Variants in PTPRJ observed in about 807,000 individuals in gnomAD.
PTPRJ encodes protein tyrosine phosphatase receptor type J, also known as receptor-type tyrosine-protein phosphatase eta.
Under a neutral mutation model 141.3 loss-of-function variants are expected in PTPRJ, and 129 were observed. The observed-to-expected ratio is 0.91, with a 90% confidence interval of 0.79 to 1.06. The LOEUF (loss-of-function observed/expected upper bound fraction) is 1.06, where lower values mean the gene tolerates loss of function less well. PTPRJ is among the 50% of genes least tolerant of loss of function. The probability of loss-of-function intolerance (pLI) is 0.00; values close to 1 mark genes in which losing one functional copy is unlikely to be tolerated. For synonymous variants in PTPRJ, 610 were observed against 640.5 expected (o/e 0.95, Z 0.72); for missense variants, 1,601 against 1,679.7 (o/e 0.95, Z 0.82).
intron 1 of PTPRJ, among the ~76,000 whole-genome samples, chr11:48,028,032 A>G (rs1853871270): frequency 6.6e-6 from 1 of 152,122 alleles, no homozygotes; most frequent in Non-Finnish European, 1.5e-5. Context: ...AAAGGCATCC[A>G]GTGTTAATAG....
At chr11:48,143,139 C>T in intron 12 of PTPRJ, 89 bp downstream of exon 12, 1 of 1,485,802 alleles carries the variant, frequency 6.7e-7, no homozygotes, top group Admixed American at 1.9e-5. Context: ...GTGAGTAATG[C>T]AGACACACGC....
chr11:48,033,896 C>T (rs1025093851), intron 1 of PTPRJ, among the ~76,000 whole-genome samples: 4 of 152,330 alleles, frequency 2.6e-5, no homozygotes, highest in Admixed American at 6.5e-5. Context: ...AGATACAGAG[C>T]GTTTGACCTA....
rs1341313426 is a variant in PTPRJ, at chr11:48,143,590, G to A, written c.2575+540G>A. Among the ~76,000 whole-genome samples, 3 of 152,182 alleles carry A rather than the reference G, an allele frequency of 2.0e-5. No individual in the cohort carries two copies. The East Asian group carries it at 5.8e-4, about 29-fold the overall frequency. Reference sequence around the variant, plus strand: ...GAAAAAGATTTGCATTTGCTAGTGGGAATTTGCAGAGTATCTCCTTAGCTG... The same window carrying A: ...GAAAAAGATTTGCATTTGCTAGTGGAAATTTGCAGAGTATCTCCTTAGCTG... On this transcript the variant is annotated intron_variant, in intron 12 of 24. Transcript: ENST00000418331.
intron 1 of PTPRJ, among the ~76,000 whole-genome samples, chr11:48,040,676 A>G (rs1380691018): frequency 7.2e-6 from 1 of 139,510 alleles, no homozygotes. Context: ...GTCTCGGCTT[A>G]CTGCAACCTC....
At chr11:48,080,471 C>T (rs1855529580) in intron 1 of PTPRJ, among the ~76,000 whole-genome samples, 1 of 152,168 alleles carries the variant, frequency 6.6e-6, no homozygotes, top group African/African-American at 2.4e-5. Context: ...AGACTGACTC[C>T]AGAGCCAATG....
chr11:48,150,268 G>A, intron 18 of PTPRJ, 85 bp downstream of exon 18: 1 of 1,135,030 alleles, frequency 8.8e-7, no homozygotes, highest in Admixed American at 1.8e-5. Flanking sequence ...TGGGTGGCAG[G>A]TAGCTGAAAG....
At chr11:48,153,206 T>C (rs1478648848) in intron 18 of PTPRJ, among the ~76,000 whole-genome samples, 2 of 152,068 alleles carry the variant, frequency 1.3e-5, no homozygotes, top group East Asian at 3.9e-4. Flanking sequence ...CAGGGGTTTA[T>C]ACAGCAGGAA....
intron 3 of PTPRJ, among the ~76,000 whole-genome samples, chr11:48,117,146 T>A (rs1312096275): frequency 1.3e-5 from 2 of 152,154 alleles, no homozygotes; most frequent in East Asian, 3.9e-4. Context: ...TTTAAAAATT[T>A]CTTGAAGCAA....
rs1290607847 is a variant in PTPRJ, at chr11:48,163,545, A to G, written c.3646A>G (p.Ile1216Val). The G allele has an allele frequency of 1.2e-6, 2 of 1,614,008 alleles. No individual in the cohort carries two copies. The highest frequency in any genetic ancestry group is 1.7e-6 in the Non-Finnish European group (2 of 1,179,848). Residue 1216 changes from isoleucine (I) to valine (V), a missense_variant, in exon 23 of 25, where the codon ATC becomes GTC. Physicochemically the swap from Ile to Val is conservative, Grantham distance 29. Transcript: ENST00000418331. ...HGVPDTTDLLINFRYLVRDYM... is the reference protein window; with the variant it reads ...HGVPDTTDLLVNFRYLVRDYM... ...TGTTCCCGACACCACTGACCTGCTC[A>G]TCAACTTCCGGTACCTCGTTCGTGA...
At chr11:47,981,142 G>A in intron 1 of PTPRJ, 134 bp downstream of exon 1, 1 of 939,340 alleles carries the variant, frequency 1.1e-6, no homozygotes. Context: ...ATCCCCGGAA[G>A]GCGACTTGCG....
intron 1 of PTPRJ, among the ~76,000 whole-genome samples, chr11:48,066,554 GTATTATTAT>G (rs58097315): frequency 0.13 from 17,350 of 133,688 alleles, 1,336 homozygotes; most frequent in African/African-American, 0.21. Context: ...TTATCCAGTC[GTATTATTAT>G]TATTATTATT....
chr11:48,060,138 C>A (rs1330210443), intron 1 of PTPRJ, among the ~76,000 whole-genome samples: 1 of 152,132 alleles, frequency 6.6e-6, no homozygotes, highest in East Asian at 1.9e-4. Context: ...GAAGATATGC[C>A]TATTTTTTCC....
Position 48,069,445 on chromosome 11 carries a change from A to ATTTTTTTT in PTPRJ, c.97-40599_97-40592dup, listed in dbSNP as rs35405916. ...GGCTGTGATAAAAACTACATTGATA[A>ATTTTTTTT]TTTTTTTTTTTTTTTTTTTTTGGAG... On this transcript the variant is annotated intron_variant, in intron 1 of 24. Transcript: ENST00000418331. Among the ~76,000 whole-genome samples the ATTTTTTTT allele has an allele frequency of 4.1e-5, 5 of 121,322 alleles. 2 individuals are homozygous for ATTTTTTTT. The highest frequency in any genetic ancestry group is 1.7e-5 in the Non-Finnish European group (1 of 59,588). 79.6% of individuals were successfully genotyped at this position (121,322 alleles called of 152,430 possible). A position where few individuals can be genotyped will look rare whatever the true frequency, so the allele number is the denominator to read the frequency against.
intron 8 of PTPRJ, among the ~76,000 whole-genome samples, chr11:48,135,324 A>C (rs980063698): frequency 6.6e-6 from 1 of 151,366 alleles, no homozygotes; most frequent in Non-Finnish European, 1.5e-5. Flanking sequence ...ACAGGCATGC[A>C]CCACCACGCC....
chr11:48,046,252 TGC>T (rs1373342384), intron 1 of PTPRJ: 1 of 152,220 alleles, frequency 6.6e-6, no homozygotes, highest in Non-Finnish European at 1.5e-5. Context: ...TTTGCCATGT[TGC>T]CCATGCTGGT....
intron 1 of PTPRJ, among the ~76,000 whole-genome samples, chr11:48,020,776 C>G (rs1261693065): frequency 6.6e-6 from 1 of 152,156 alleles, no homozygotes; most frequent in Non-Finnish European, 1.5e-5. Context: ...CTTCCTCCTG[C>G]CCCTCCCACG....
chr11:48,041,797 G>A (rs1039987015), intron 1 of PTPRJ, among the ~76,000 whole-genome samples: 2 of 151,864 alleles, frequency 1.3e-5, no homozygotes, highest in African/African-American at 2.4e-5. Context: ...GCTAATTTTT[G>A]TACTTTTTGT....
intron 1 of PTPRJ, among the ~76,000 whole-genome samples, chr11:48,034,521 T>C (rs181306583): frequency 6.6e-6 from 1 of 152,368 alleles, no homozygotes; most frequent in Non-Finnish European, 1.5e-5. Flanking sequence ...TGATTCATCT[T>C]ATTTTTATTT....
intron 8 of PTPRJ, chr11:48,132,712 T>C: frequency 1.1e-6 from 1 of 920,576 alleles, no homozygotes; most frequent in Non-Finnish European, 1.3e-6. Context: ...TATATATATA[T>C]AAAAGAAATG....
Sources: gnomAD v4.1 joint callset for allele counts (sites outside exome capture counted in the v4.1 genomes callset) on GRCh38, gnomAD v4.1.1 for gene constraint, MANE v1.5 for transcripts, NCBI Gene and HGNC (gene_info 2026-07-23, HGNC 2026-07-21) for gene names.